NRXN1: variants seen among roughly 807,000 people sequenced by gnomAD.
The protein encoded by NRXN1 is neurexin-1.
In NRXN1, 39 loss-of-function variants were observed where a neutral mutation model predicts 150.9. The ratio of observed to expected loss-of-function variants is 0.26; its 90% CI spans 0.20 to 0.34. The LOEUF (loss-of-function observed/expected upper bound fraction) is 0.34, where lower values mean the gene tolerates loss of function less well. Among genes scored for constraint, NRXN1 ranks in the 10% least tolerant of loss-of-function variants. The pLI, the probability that NRXN1 is intolerant of heterozygous loss-of-function variation, is 1.00. For synonymous variants in NRXN1, 924 were observed against 757.0 expected (o/e 1.22, Z -3.62); for missense variants, 1,815 against 1,949.9 (o/e 0.93, Z 1.30).
At chr2:50,183,065 T>C (rs2060838680) in intron 18 of NRXN1, among the ~76,000 whole-genome samples, 1 of 152,072 alleles carries the variant, frequency 6.6e-6, no homozygotes, top group African/African-American at 2.4e-5. Context: ...AGGATGCACA[T>C]CATTAGAAAT....
At chr2:50,861,573 A>G (rs1287220829) in intron 5 of NRXN1, among the ~76,000 whole-genome samples, 1 of 152,062 alleles carries the variant, frequency 6.6e-6, no homozygotes, top group African/African-American at 2.4e-5. Context: ...TGCAATCTCT[A>G]TTCTCTTCAT....
chr2:50,013,782 C>T (rs966138032), intron 21 of NRXN1, among the ~76,000 whole-genome samples: 10 of 152,228 alleles, frequency 6.6e-5, no homozygotes, highest in South Asian at 2.1e-4. Context: ...GGACTGATTT[C>T]TAAATGTGGG....
At chr2:50,613,544 C>T (rs923951306) in intron 8 of NRXN1, among the ~76,000 whole-genome samples, 9 of 152,176 alleles carry the variant, frequency 5.9e-5, no homozygotes, top group African/African-American at 9.7e-5. Flanking sequence ...GCATCTGCTG[C>T]GTATCAGCCT....
intron 17 of NRXN1, among the ~76,000 whole-genome samples, chr2:50,295,183 T>C (rs2073418572): frequency 6.6e-6 from 1 of 152,202 alleles, no homozygotes; most frequent in Non-Finnish European, 1.5e-5. Context: ...GCATGTGGTA[T>C]CAATTAATGT....
intron 17 of NRXN1, among the ~76,000 whole-genome samples, chr2:50,247,697 G>A (rs575156020): frequency 6.6e-6 from 1 of 152,110 alleles, no homozygotes; most frequent in Non-Finnish European, 1.5e-5. Flanking sequence ...AACTGTCCTA[G>A]ATTAGAGAAA....
At chr2:50,874,641 C>T (rs570286010) in intron 5 of NRXN1, among the ~76,000 whole-genome samples, 7 of 151,696 alleles carry the variant, frequency 4.6e-5, no homozygotes, top group African/African-American at 1.7e-4. Context: ...TCATTTTTTT[C>T]TAGCAAGAGA....
chr2:50,358,296 AC>A (rs1442481134), intron 17 of NRXN1, among the ~76,000 whole-genome samples: 1 of 152,092 alleles, frequency 6.6e-6, no homozygotes, highest in Non-Finnish European at 1.5e-5. Context: ...AGCGAATCCC[AC>A]CCCCCTGGAG....
chr2:50,376,591 AT>A (rs914320243), intron 17 of NRXN1, among the ~76,000 whole-genome samples: 3 of 152,044 alleles, frequency 2.0e-5, no homozygotes, highest in African/African-American at 4.8e-5. Context: ...GAGCAAATAT[AT>A]TTTTCCCACA....
intron 17 of NRXN1, among the ~76,000 whole-genome samples, chr2:50,304,935 C>T (rs2074479750): frequency 6.6e-6 from 1 of 151,966 alleles, no homozygotes; most frequent in Admixed American, 6.6e-5. Context: ...ACTAAAAATA[C>T]AAAAATCAGC....
chr2:50,883,208 AT>A (rs1679716795), intron 5 of NRXN1, among the ~76,000 whole-genome samples: 1 of 151,850 alleles, frequency 6.6e-6, no homozygotes, highest in South Asian at 2.1e-4. Context: ...CATTAGTTGA[AT>A]AATTAAGAGT....
chr2:49,954,595 G>A (rs527429218), intron 21 of NRXN1, among the ~76,000 whole-genome samples: 31 of 152,270 alleles, frequency 2.0e-4, no homozygotes, highest in African/African-American at 5.3e-4. Context: ...GAGAGGGAGA[G>A]AGAAAGACTG....
intron 5 of NRXN1, among the ~76,000 whole-genome samples, chr2:50,656,885 T>C (rs1686556797): frequency 6.6e-6 from 1 of 152,066 alleles, no homozygotes; most frequent in Admixed American, 6.6e-5. Flanking sequence ...CAAGAATATC[T>C]GCAGTTTTGA....
At chr2:50,482,934 C>T (rs1573182878) in intron 15 of NRXN1, among the ~76,000 whole-genome samples, 1 of 151,508 alleles carries the variant, frequency 6.6e-6, no homozygotes, top group South Asian at 2.1e-4. Context: ...GTCTGTAGTC[C>T]CAGCTATTTG....
chr2:50,319,438 T>C (rs2075853275), intron 17 of NRXN1, among the ~76,000 whole-genome samples: 1 of 152,096 alleles, frequency 6.6e-6, no homozygotes, highest in Non-Finnish European at 1.5e-5. Flanking sequence ...GCTGTTAACA[T>C]GAGAAAAAGA....
At chr2:50,315,231 C>G (rs1240431660) in intron 17 of NRXN1, among the ~76,000 whole-genome samples, 1 of 152,004 alleles carries the variant, frequency 6.6e-6, no homozygotes, top group Non-Finnish European at 1.5e-5. Flanking sequence ...GCAACTAAAA[C>G]TGCACAGGCA....
intron 5 of NRXN1, among the ~76,000 whole-genome samples, chr2:50,671,088 T>C (rs978507132): frequency 1.3e-5 from 2 of 151,890 alleles, no homozygotes; most frequent in Non-Finnish European, 2.9e-5. Flanking sequence ...GGTATCTTTT[T>C]TGTAATTCAA....
At chr2:49,933,414 A>C (rs986143443) in intron 22 of NRXN1, among the ~76,000 whole-genome samples, 1 of 152,230 alleles carries the variant, frequency 6.6e-6, no homozygotes, top group East Asian at 1.9e-4. Flanking sequence ...GCAGTTGCCC[A>C]GTTCTAGCCC....
intron 5 of NRXN1, among the ~76,000 whole-genome samples, chr2:50,703,938 T>C (rs1217487815): frequency 6.6e-6 from 1 of 152,054 alleles, no homozygotes; most frequent in Non-Finnish European, 1.5e-5. Flanking sequence ...ATTTTAAGTT[T>C]ACTGTAGAAT....
chr2:50,462,954 T>C (rs934982891), intron 17 of NRXN1, among the ~76,000 whole-genome samples: 1 of 151,856 alleles, frequency 6.6e-6, no homozygotes, highest in Non-Finnish European at 1.5e-5. Flanking sequence ...GCATGTTCGT[T>C]TCCCCATTAA....
Sources: gnomAD v4.1 joint callset for allele counts (sites outside exome capture counted in the v4.1 genomes callset) on GRCh38, gnomAD v4.1.1 for gene constraint, MANE v1.5 for transcripts, NCBI Gene and HGNC (gene_info 2026-07-23, HGNC 2026-07-21) for gene names.